Variants in KDM1A observed in about 807,000 individuals in gnomAD.
KDM1A encodes the protein lysine-specific histone demethylase 1A.
Under a neutral mutation model 109.4 loss-of-function variants are expected in KDM1A, and 49 were observed. The ratio of observed to expected loss-of-function variants is 0.45; its 90% CI spans 0.36 to 0.57. KDM1A has a LOEUF of 0.57. KDM1A is among the 20% of genes least tolerant of loss of function. KDM1A has a pLI of 0.00. For synonymous variants in KDM1A, 380 were observed against 415.4 expected (o/e 0.91, Z 1.04); for missense variants, 668 against 1,116.6 (o/e 0.60, Z 5.73).
At chr1:23,045,820 G>C (rs1417991804) in intron 3 of KDM1A, among the ~76,000 whole-genome samples, 1 of 152,178 alleles carries the variant, frequency 6.6e-6, no homozygotes, top group Non-Finnish European at 1.5e-5. Context: ...GAATGATGGT[G>C]ACTGTTGTAA....
chr1:23,057,849 G>A (rs1345837458), intron 8 of KDM1A: 1 of 205,378 alleles, frequency 4.9e-6, no homozygotes, highest in Admixed American at 6.7e-5. Context: ...TGTCACCCAG[G>A]CTGGAGTGCA....
At chr1:23,071,098 C>T (rs887062794) in intron 12 of KDM1A, 127 bp from the exon 13 acceptor site, 5 of 692,006 alleles carry the variant, frequency 7.2e-6, no homozygotes, top group Non-Finnish European at 2.4e-6. Context: ...TAAGAATTCT[C>T]AGGACCTTGC....
At chr1:23,048,108 C>A (rs1241779853) in intron 3 of KDM1A, among the ~76,000 whole-genome samples, 1 of 151,990 alleles carries the variant, frequency 6.6e-6, no homozygotes, top group African/African-American at 2.4e-5. Context: ...TAATAGAAAT[C>A]ATTGATTTTC....
rs527737383 is a variant in KDM1A, at chr1:23,058,996, A to G, written c.1073-77A>G. On this transcript the variant is annotated intron_variant, in intron 8 of 20. Transcript: ENST00000400181. ...CTTTTGAGCTTTTTATATTTTGAGTAAAAATATTTTTTACTTTAAGGTTTT... is the reference window on the plus strand; with the variant it reads ...CTTTTGAGCTTTTTATATTTTGAGTGAAAATATTTTTTACTTTAAGGTTTT... 7 of 804,152 alleles carry G rather than the reference A, an allele frequency of 8.7e-6. No individual in the cohort carries two copies. In the South Asian group the frequency reaches 1.0e-4, roughly 12 times the overall value. The allele number at this position is 804,152 out of a possible 1,614,324, so 49.8% of individuals were successfully genotyped here. A position where few individuals can be genotyped will look rare whatever the true frequency, so the allele number is the denominator to read the frequency against.
intron 12 of KDM1A, among the ~76,000 whole-genome samples, 198 bp downstream of exon 12, chr1:23,069,349 A>G (rs1643252312): frequency 6.6e-6 from 1 of 152,184 alleles, no homozygotes; most frequent in African/African-American, 2.4e-5. Flanking sequence ...TTATTGATAA[A>G]TGGTTGCCAG....
intron 13 of KDM1A, 145 bp from the exon 14 acceptor site, chr1:23,071,979 T>C: frequency 3.4e-6 from 2 of 593,672 alleles, no homozygotes; most frequent in Non-Finnish European, 6.0e-6. Context: ...CTCAGCTCTA[T>C]CTAACCCCAG....
intron 14 of KDM1A, 90 bp from the exon 15 acceptor site, chr1:23,073,202 G>C (rs1643367969): frequency 1.4e-6 from 1 of 716,520 alleles, no homozygotes; most frequent in African/African-American, 1.7e-5. Context: ...CCTGGCTTAG[G>C]TTCTGACACA....
chr1:23,082,028 C>T lies in KDM1A; in HGVS notation c.2299-192C>T, dbSNP rs562407066. 8 of 547,684 alleles carry T rather than the reference C, an allele frequency of 1.5e-5. No homozygotes were observed. In the South Asian group the frequency reaches 1.5e-4, roughly 11 times the overall value. 33.9% of individuals were successfully genotyped at this position (547,684 alleles called of 1,614,324 possible). A position where few individuals can be genotyped will look rare whatever the true frequency, so the allele number is the denominator to read the frequency against. On this transcript the variant is annotated intron_variant, in intron 19 of 20. Transcript: ENST00000400181. ...TAGACAGGAAGGCAACATGGAGGGG[C>T]ATCCTTCCTGTCTGAAGTCCTTTTG...
chr1:23,059,322 GT>G, intron 9 of KDM1A, 155 bp downstream of exon 9: 1 of 720,620 alleles, frequency 1.4e-6, no homozygotes, highest in Non-Finnish European at 2.6e-6. Context: ...TATTCTGGTT[GT>G]TTCTTAACTC....
chr1:23,065,522 A>G (rs1305159035), intron 9 of KDM1A, among the ~76,000 whole-genome samples: 1 of 152,230 alleles, frequency 6.6e-6, no homozygotes, highest in Non-Finnish European at 1.5e-5. Context: ...TTTCAAAGCT[A>G]TCCCTGGCTG....
intron 15 of KDM1A, among the ~76,000 whole-genome samples, chr1:23,075,528 G>A (rs1643438870): frequency 2.0e-5 from 3 of 149,622 alleles, no homozygotes; most frequent in South Asian, 2.1e-4. Flanking sequence ...CGGAGATCGC[G>A]CCATTGCACT....
intron 1 of KDM1A, chr1:23,020,160 C>G: frequency 2.2e-6 from 1 of 455,566 alleles, no homozygotes; most frequent in South Asian, 6.3e-5. Flanking sequence ...GTGCTGGGTC[C>G]CGAGCGACGT....
intron 2 of KDM1A, among the ~76,000 whole-genome samples, chr1:23,043,989 G>A (rs1407754061): frequency 1.3e-5 from 2 of 152,178 alleles, no homozygotes; most frequent in Non-Finnish European, 2.9e-5. Flanking sequence ...AAGAGAAGGA[G>A]ATAATTTTTC....
At chr1:23,058,879 G>T (rs1383223644) in intron 8 of KDM1A, among the ~76,000 whole-genome samples, 194 bp from the exon 9 acceptor site, 4 of 151,798 alleles carry the variant, frequency 2.6e-5, no homozygotes, top group African/African-American at 9.7e-5. Context: ...GTTAATTAGT[G>T]GGATTATAGG....
rs146635534 is a variant in KDM1A at position 23,074,417 on chromosome 1, C to T, written c.1734+1014C>T. 2.3e-3 allele frequency among the ~76,000 whole-genome samples: 350 copies of T among 152,296 alleles called. 1 individual carries two copies. Among genetic ancestry groups the T allele is most frequent in the African/African-American group, 8.0e-3 (334 of 41,572 alleles). ...GTGGCTTGTCTTTAATTTTCTAAAT[C>T]TGTCTCAAAGAGTAAAAGTTTTTAC... On this transcript the variant is annotated intron_variant, in intron 15 of 20. Transcript: ENST00000400181.
At chr1:23,025,790 T>G (rs1267681364) in intron 1 of KDM1A, among the ~76,000 whole-genome samples, 1 of 152,124 alleles carries the variant, frequency 6.6e-6, no homozygotes, top group African/African-American at 2.4e-5. Context: ...TGTTAGTGAT[T>G]AGAATTAAGT....
intron 1 of KDM1A, among the ~76,000 whole-genome samples, chr1:23,022,648 CTTTTTT>C (rs58124287): frequency 5.4e-5 from 2 of 36,814 alleles, no homozygotes. Flanking sequence ...CCTTCTTCTT[CTTTTTT>C]TTTTTTTTTT....
intron 20 of KDM1A, 159 bp downstream of exon 20, chr1:23,082,525 T>C: frequency 1.5e-6 from 1 of 672,888 alleles, no homozygotes; most frequent in South Asian, 3.2e-5. Flanking sequence ...ATTTCTGATT[T>C]CTCATAATTT....
intron 1 of KDM1A, among the ~76,000 whole-genome samples, chr1:23,022,007 A>T (rs1641646727): frequency 1.3e-5 from 2 of 152,088 alleles, no homozygotes; most frequent in Admixed American, 6.5e-5. Context: ...GTACTTGATA[A>T]CTCTTTATGG....
Sources: allele counts gnomAD v4.1 joint callset (sites outside exome capture counted in the v4.1 genomes callset), GRCh38; gene constraint gnomAD v4.1.1; transcripts MANE v1.5; gene names NCBI Gene and HGNC (gene_info 2026-07-23, HGNC 2026-07-21).